KIN: variants seen among roughly 807,000 people sequenced by gnomAD.
The protein encoded by KIN is Kin17 DNA and RNA binding protein, also known as DNA/RNA-binding protein KIN17.
A neutral mutation model predicts 63.0 loss-of-function variants in KIN; 47 were observed. The observed-to-expected ratio is 0.75, with a 90% confidence interval of 0.59 to 0.95. The LOEUF is 0.95. Ranked by LOEUF, KIN falls within the 40% of genes least tolerant of loss-of-function variation. The pLI is 0.00. For synonymous variants in KIN, 160 were observed against 157.7 expected, an observed-to-expected ratio of 1.01 and a Z score of -0.11; for missense variants, 408 against 460.9, an observed-to-expected ratio of 0.89 and a Z score of 1.05.
chr10:7,771,796 G>A (rs1207011224), intron 7 of KIN, among the ~76,000 whole-genome samples: 6 of 151,646 alleles, frequency 4.0e-5, no homozygotes, highest in Non-Finnish European at 7.4e-5. Context: ...TTGGGAGGCC[G>A]AGGCAGGAGA....
chr10:7,782,163 G>A (rs1181280472), intron 2 of KIN, among the ~76,000 whole-genome samples: 2 of 152,016 alleles, frequency 1.3e-5, no homozygotes, highest in Non-Finnish European at 2.9e-5. Context: ...GAAGTTCTTG[G>A]GGTCTTCAAT....
chr10:7,766,728 G>T (rs534485034), intron 8 of KIN, among the ~76,000 whole-genome samples: 11 of 151,996 alleles, frequency 7.2e-5, no homozygotes, highest in Non-Finnish European at 1.2e-4. Context: ...TGGTTGATTC[G>T]AAACCTAATT....
chr10:7,780,553 C>T (rs1305049158), intron 2 of KIN, among the ~76,000 whole-genome samples: 1 of 152,010 alleles, frequency 6.6e-6, no homozygotes, highest in Non-Finnish European at 1.5e-5. Flanking sequence ...CACCACCACG[C>T]CTGGCTAATT....
intron 6 of KIN, among the ~76,000 whole-genome samples, chr10:7,775,173 A>G (rs1269856120): frequency 6.6e-6 from 1 of 152,194 alleles, no homozygotes; most frequent in Non-Finnish European, 1.5e-5. Flanking sequence ...AATTCTGTTT[A>G]GGTCTCCACG....
chr10:7,783,297 C>CAAAATATAATCAA, intron 1 of KIN, 122 bp from the exon 2 acceptor site: 1 of 467,140 alleles, frequency 2.1e-6, no homozygotes, highest in Non-Finnish European at 3.7e-6. Flanking sequence ...ATAATCAAAT[C>CAAAATATAATCAA]ATTAGCTGTA....
In KIN at chr10:7,787,904, C is replaced by G. The variant is rs1471576117; in HGVS notation, c.30G>C (p.Lys10Asn). 3 of 1,614,048 alleles carry G rather than the reference C, an allele frequency of 1.9e-6. No homozygotes were observed. Among genetic ancestry groups the G allele is most frequent in the Non-Finnish European group, 2.5e-6 (3 of 1,179,960 alleles). Residue 10 changes from lysine to asparagine, a missense_variant, in exon 1 of 13, where the codon AAG (lysine) becomes AAC (asparagine). By Grantham distance (94) the Lys-to-Asn change is moderately conservative. Around this residue, in one of 2 missense-constraint regions of KIN, gnomAD observed 110 missense variants for 164.9 expected, o/e 0.67. Transcript: ENST00000379562. The stretch of plus-strand genomic sequence containing the variant: ...TGGACTTGATCCTGTTGGCGATAGC[C>G]TTGGGAGTAAGAAAATCCGACTTCC... MGKSDFLTP[K>N]AIANRIKSKG...
chr10:7,760,868 T>A (rs761828195), intron 11 of KIN, among the ~76,000 whole-genome samples: 1 of 152,152 alleles, frequency 6.6e-6, no homozygotes, highest in Non-Finnish European at 1.5e-5. Flanking sequence ...ATCCATACAA[T>A]GACATACAGC....
intron 2 of KIN, 24 bp from the exon 3 acceptor site, chr10:7,780,331 A>G (rs752738024): frequency 2.6e-6 from 4 of 1,567,958 alleles, no homozygotes; most frequent in Non-Finnish European, 3.5e-6. Context: ...AAAGGAAAGC[A>G]TTAAGGTAAT....
intron 7 of KIN, among the ~76,000 whole-genome samples, chr10:7,770,845 A>G (rs887457516): frequency 1.3e-5 from 2 of 152,242 alleles, no homozygotes; most frequent in African/African-American, 4.8e-5. Flanking sequence ...ATTTAAAGGT[A>G]GCCTTAGATT....
intron 1 of KIN, among the ~76,000 whole-genome samples, chr10:7,786,375 T>C (rs1275525923): frequency 6.6e-6 from 1 of 152,218 alleles, no homozygotes; most frequent in African/African-American, 2.4e-5. Context: ...TATCCTGATA[T>C]TGGTATTTAC....
rs554615474 is a variant in KIN, at chr10:7,786,894, C to G, written c.114+926G>C. ...TAACTGTATCAATATTAGTATGAGT[C>G]CTACCTAAAATACCTCTTCCTTCAC... On this transcript the variant is annotated intron_variant, in intron 1 of 12. Transcript: ENST00000379562. Among the ~76,000 whole-genome samples the G allele has an allele frequency of 7.2e-5, 11 of 152,258 alleles. No individual in the cohort carries two copies. In the East Asian group the frequency reaches 2.1e-3, roughly 29 times the overall value.
intron 12 of KIN, among the ~76,000 whole-genome samples, chr10:7,756,894 T>G (rs1835342488): frequency 6.6e-6 from 1 of 152,118 alleles, no homozygotes; most frequent in African/African-American, 2.4e-5. Context: ...AGAGGAAAAC[T>G]TAATTAATGA....
rs79346729 is a variant in KIN, at chr10:7,776,895, T to TA, written c.559-1097dup. On this transcript the variant is annotated intron_variant, in intron 5 of 12. Transcript: ENST00000379562. ...CATTGCAAGAGCCCCCCATCTCTATTAAAAAAAAAAAAAATTAGCCAGGCA... is the reference window on the plus strand; with the variant it reads ...CATTGCAAGAGCCCCCCATCTCTATTAAAAAAAAAAAAAAATTAGCCAGGCA... 1.7e-3 allele frequency among the ~76,000 whole-genome samples: 234 copies of TA among 140,162 alleles called. 1 individual carries two copies. The highest frequency in any genetic ancestry group is 4.2e-3 in the African/African-American group (162 of 38,314). The allele number at this position is 140,162 out of a possible 152,430, so 92.0% of individuals were successfully genotyped here.
At chr10:7,779,055 A>T in intron 4 of KIN, 36 bp from the exon 5 acceptor site, 2 of 1,586,432 alleles carry the variant, frequency 1.3e-6, no homozygotes, top group Non-Finnish European at 1.7e-6. Context: ...ATTAGCATAC[A>T]ATCAAAGCAA....
rs1056576611 is a variant in KIN, at chr10:7,773,188, G to A, written c.668+1643C>T. ...TCCCCGGAGCTCAGATTCTTCCCCA[G>A]AGCACAGCCAGCAGGCTCCTTGATT... On this transcript the variant is annotated intron_variant, in intron 7 of 12. Coordinates refer to ENST00000379562, the MANE Select transcript of KIN (RefSeq NM_012311.4). Among the ~76,000 whole-genome samples the A allele has an allele frequency of 7.9e-5, 12 of 152,340 alleles. No homozygotes were observed. The South Asian group carries it at 1.4e-3, about 18-fold the overall frequency.
rs1242676010 is a variant in KIN at position 7,753,386 on chromosome 10, TGTA to T, written c.*2691_*2693del. ...AACGTACATACTTGGGGGAGGCATATGTAATTTGTCTGGTTTTACTCATCACTA... is the reference window on the plus strand; with the variant it reads ...AACGTACATACTTGGGGGAGGCATATATTTGTCTGGTTTTACTCATCACTA... On this transcript the variant is annotated 3_prime_UTR_variant, in exon 13 of 13. Transcript: ENST00000379562. 3 of 152,190 alleles carry T rather than the reference TGTA, an allele frequency of 2.0e-5. No homozygotes were observed. Among genetic ancestry groups the T allele is most frequent in the Non-Finnish European group, 4.4e-5 (3 of 68,026 alleles). The allele number at this position is 152,190 out of a possible 1,614,324, so 9.4% of individuals were successfully genotyped here. A position where few individuals can be genotyped will look rare whatever the true frequency, so the allele number is the denominator to read the frequency against.
chr10:7,781,530 A>T (rs956191113), intron 2 of KIN, among the ~76,000 whole-genome samples: 5 of 151,504 alleles, frequency 3.3e-5, no homozygotes, highest in South Asian at 2.1e-4. Flanking sequence ...AGAGAGGAGG[A>T]TCACTTGAGC....
At chr10:7,785,214 T>C (rs1835975210) in intron 1 of KIN, among the ~76,000 whole-genome samples, 1 of 149,180 alleles carries the variant, frequency 6.7e-6, no homozygotes, top group Non-Finnish European at 1.5e-5. Context: ...ATCGCGCCAC[T>C]GTACACGAGC....
rs1444317671 is a variant in KIN at position 7,751,952 on chromosome 10, G to C, written c.*4128C>G. ...CGGGAGGCTGAGGCAGGAGAATGGCGTGAACCCGGGAAGCGGAGCTTGCAG... is the reference window on the plus strand; with the variant it reads ...CGGGAGGCTGAGGCAGGAGAATGGCCTGAACCCGGGAAGCGGAGCTTGCAG... On this transcript the variant is annotated 3_prime_UTR_variant, in exon 13 of 13. Coordinates refer to ENST00000379562, the MANE Select transcript of KIN (RefSeq NM_012311.4). 2 of 3,178 alleles carry C rather than the reference G, an allele frequency of 6.3e-4. 1 individual carries two copies. The highest frequency in any genetic ancestry group is 1.1e-3 in the Non-Finnish European group (2 of 1,744). 0.2% of individuals were successfully genotyped at this position (3,178 alleles called of 1,614,324 possible). A position where few individuals can be genotyped will look rare whatever the true frequency, so the allele number is the denominator to read the frequency against.
Sources: gnomAD v4.1 joint callset for allele counts (sites outside exome capture counted in the v4.1 genomes callset) on GRCh38, gnomAD v4.1.1 for gene constraint, gnomAD v4.1.1 regional missense constraint, MANE v1.5 for transcripts, NCBI Gene and HGNC (gene_info 2026-07-23, HGNC 2026-07-21) for gene names.